MGAT5: variants seen among roughly 807,000 people sequenced by gnomAD.
MGAT5 encodes the protein alpha-1,6-mannosylglycoprotein 6-beta-N-acetylglucosaminyltransferase A.
Under a neutral mutation model 94.3 loss-of-function variants are expected in MGAT5, and 30 were observed. That is an observed-to-expected ratio of 0.32 (90% CI 0.24 to 0.43). MGAT5 has a LOEUF of 0.43. MGAT5 is among the 20% of genes least tolerant of loss of function. The pLI is 1.00. For missense variants in MGAT5, 691 were observed against 905.5 expected, an observed-to-expected ratio of 0.76 and a Z score of 3.04; for synonymous variants, 310 against 322.9, an observed-to-expected ratio of 0.96 and a Z score of 0.43.
chr2:134,191,930 G>C (rs1258920581), intron 1 of MGAT5, among the ~76,000 whole-genome samples: 3 of 145,000 alleles, frequency 2.1e-5, no homozygotes, highest in Admixed American at 6.9e-5. Flanking sequence ...CTTCCTGATG[G>C]AAGGGTGGAT....
In MGAT5 at chr2:134,254,296, C is replaced by T; in HGVS notation, c.-108C>T. Reference sequence around the variant, plus strand: ...AGTGAGGAAAGGCAACCAGCTGACACAGGAGCCAGAGTGAGACCAGCAGAC... The same window carrying T: ...AGTGAGGAAAGGCAACCAGCTGACATAGGAGCCAGAGTGAGACCAGCAGAC... On this transcript the variant is annotated 5_prime_UTR_variant, in exon 1 of 16. The change creates a premature stop within an existing upstream ORF in the 5' untranslated region. Coordinates refer to ENST00000281923, the MANE Select transcript of MGAT5 (RefSeq NM_002410.5). The T allele has an allele frequency of 7.1e-7, 1 of 1,407,052 alleles. No individual in the cohort carries two copies. Among genetic ancestry groups the T allele is most frequent in the Non-Finnish European group, 9.6e-7 (1 of 1,036,646 alleles). 87.2% of individuals were successfully genotyped at this position (1,407,052 alleles called of 1,614,324 possible). A position where few individuals can be genotyped will look rare whatever the true frequency, so the allele number is the denominator to read the frequency against.
At chr2:134,222,062 T>G (rs1680801665) in intron 1 of MGAT5, among the ~76,000 whole-genome samples, 1 of 152,256 alleles carries the variant, frequency 6.6e-6, no homozygotes, top group South Asian at 2.1e-4. Context: ...GCGATTTGGA[T>G]AATGGGGAGA....
intron 2 of MGAT5, among the ~76,000 whole-genome samples, chr2:134,274,521 A>G (rs1048467604): frequency 6.6e-6 from 1 of 152,206 alleles, no homozygotes; most frequent in Non-Finnish European, 1.5e-5. Context: ...ACAATCCTAG[A>G]TTGTGATACT....
chr2:134,182,764 G>T (rs1688799230), intron 1 of MGAT5, among the ~76,000 whole-genome samples: 1 of 148,272 alleles, frequency 6.7e-6, no homozygotes, highest in African/African-American at 2.5e-5. Flanking sequence ...ATTATATAGT[G>T]CATGTTAGAA....
In MGAT5 at chr2:134,336,270, A is replaced by T. The variant is rs571855398; in HGVS notation, c.627A>T (p.Glu209Asp). The T allele has an allele frequency of 5.6e-6, 9 of 1,612,762 alleles. No homozygotes were observed. In the East Asian group the frequency reaches 2.0e-4, roughly 36 times the overall value. ...LPWRAKNPYE[E>D]ADHNSLAEIR... ...GGAGAGCAAAAAATCCCTACGAAGA[A>T]GCTGATCATAATTCATTGGTAAGTG... Residue 209 changes from glutamate (E) to aspartate (D), a missense_variant, in exon 5 of 16, where the codon GAA (glutamate) becomes GAT (aspartate). By Grantham distance (45) the Glu-to-Asp change is conservative (BLOSUM62 2). Around this residue, in one of 4 missense-constraint regions of MGAT5, gnomAD observed 307 missense variants for 335.4 expected, o/e 0.92. Coordinates refer to ENST00000281923, the MANE Select transcript of MGAT5 (RefSeq NM_002410.5).
At chr2:134,432,682 A>T (rs1010285156) in intron 14 of MGAT5, among the ~76,000 whole-genome samples, 1 of 152,268 alleles carries the variant, frequency 6.6e-6, no homozygotes, top group Non-Finnish European at 1.5e-5. Context: ...GCCTGGGTTC[A>T]CATCTTAGCT....
chr2:134,142,491 T>A (rs563805880), intron 1 of MGAT5, among the ~76,000 whole-genome samples: 1 of 152,306 alleles, frequency 6.6e-6, no homozygotes, highest in South Asian at 2.1e-4. Flanking sequence ...TAGTTCTGAT[T>A]CATCATACAA....
At chr2:134,261,760 G>A (rs1444002925) in intron 1 of MGAT5, among the ~76,000 whole-genome samples, 1 of 152,144 alleles carries the variant, frequency 6.6e-6, no homozygotes, top group African/African-American at 2.4e-5. Context: ...TCCCCACTGT[G>A]CCCCAGAGCT....
At chr2:134,317,438 G>A in intron 2 of MGAT5, 91 bp from the exon 3 acceptor site, 1 of 855,298 alleles carries the variant, frequency 1.2e-6, no homozygotes, top group Non-Finnish European at 1.7e-6. Flanking sequence ...TTTCTTTTTT[G>A]GTTTCTCTCC....
intron 1 of MGAT5, among the ~76,000 whole-genome samples, chr2:134,130,249 CCCACACCGCCCCACACCGCCCCACACCCT>C (rs1686079741): frequency 6.6e-6 from 1 of 150,578 alleles, no homozygotes; most frequent in African/African-American, 2.5e-5. Flanking sequence ...CCCACACCGC[CCCACACCGCCCCACACCGCCCCACACCCT>C]GGCGGTGGGC....
At chr2:134,128,504 A>G (rs1035055932) in intron 1 of MGAT5, among the ~76,000 whole-genome samples, 6 of 152,080 alleles carry the variant, frequency 3.9e-5, no homozygotes, top group Admixed American at 1.3e-4. Flanking sequence ...TTATTCTATG[A>G]TAGTGCCTTT....
At chr2:134,123,203 T>A (rs1685696358) in intron 1 of MGAT5, among the ~76,000 whole-genome samples, 1 of 152,134 alleles carries the variant, frequency 6.6e-6, no homozygotes, top group South Asian at 2.1e-4. Flanking sequence ...AATGCTAGAC[T>A]CCCCTGTTAC....
chr2:134,187,880 G>T (rs1002093503), intron 1 of MGAT5, among the ~76,000 whole-genome samples: 6 of 152,162 alleles, frequency 3.9e-5, no homozygotes, highest in African/African-American at 1.2e-4. Flanking sequence ...TAAAAATGAA[G>T]AAGTATTGAA....
intron 1 of MGAT5, among the ~76,000 whole-genome samples, chr2:134,121,318 C>T (rs1685578007): frequency 6.6e-6 from 1 of 152,326 alleles, no homozygotes; most frequent in Admixed American, 6.5e-5. Flanking sequence ...GCTTGGTGCC[C>T]GGACCTGGCG....
chr2:134,279,769 G>T (rs1421854868), intron 2 of MGAT5, among the ~76,000 whole-genome samples: 3 of 152,166 alleles, frequency 2.0e-5, no homozygotes, highest in African/African-American at 7.2e-5. Flanking sequence ...TGAGGTATGT[G>T]TATACAGTTG....
At chr2:134,261,260 C>T (rs1463859892) in intron 1 of MGAT5, among the ~76,000 whole-genome samples, 1 of 152,190 alleles carries the variant, frequency 6.6e-6, no homozygotes, top group Non-Finnish European at 1.5e-5. Context: ...AACGATGAGG[C>T]TTAGAATGTC....
chr2:134,408,748 G>A (rs903105992), intron 11 of MGAT5, among the ~76,000 whole-genome samples: 3 of 152,196 alleles, frequency 2.0e-5, no homozygotes, highest in African/African-American at 7.2e-5. Context: ...GCCAGGGAGG[G>A]ACCCTTTGGG....
At chr2:134,122,115 T>TG (rs1685622926) in intron 1 of MGAT5, among the ~76,000 whole-genome samples, 1 of 152,102 alleles carries the variant, frequency 6.6e-6, no homozygotes, top group African/African-American at 2.4e-5. Flanking sequence ...CTGTCTTTTT[T>TG]TTTTTAAAGA....
intron 4 of MGAT5, among the ~76,000 whole-genome samples, chr2:134,332,685 C>T (rs920380685): frequency 1.3e-5 from 2 of 152,110 alleles, no homozygotes; most frequent in Non-Finnish European, 2.9e-5. Context: ...TCACAACCTA[C>T]TCATCTGACA....
Sources: allele counts gnomAD v4.1 joint callset (sites outside exome capture counted in the v4.1 genomes callset), GRCh38; gene constraint gnomAD v4.1.1; regional missense constraint gnomAD v4.1.1; transcripts MANE v1.5; gene names NCBI Gene and HGNC (gene_info 2026-07-23, HGNC 2026-07-21).